The following LINGO2 variants were observed in gnomAD, a reference collection of about 807,000 sequenced individuals.
LINGO2 encodes leucine-rich repeat and immunoglobulin-like domain-containing nogo receptor-interacting protein 2.
In LINGO2, 14 loss-of-function variants were observed where a neutral mutation model predicts 30.6. The observed-to-expected ratio is 0.46, with a 90% confidence interval of 0.30 to 0.72. The LOEUF is 0.72. LINGO2 is among the 30% of genes least tolerant of loss of function. The probability of loss-of-function intolerance (pLI) is 0.07; values close to 1 mark genes in which losing one functional copy is unlikely to be tolerated. For synonymous variants in LINGO2, 317 were observed against 288.5 expected (o/e 1.10, Z -1.00); for missense variants, 729 against 751.7 (o/e 0.97, Z 0.35).
intron 5 of LINGO2, among the ~76,000 whole-genome samples, chr9:27,970,002 A>G (rs931166127): frequency 1.6e-4 from 25 of 152,220 alleles, no homozygotes; most frequent in African/African-American, 6.0e-4. Context: ...TACTAGTTTC[A>G]GCTTTATCAA....
At chr9:28,703,187 T>C in the LINGO2 span, among the ~76,000 whole-genome samples, 1 of 151,834 alleles carries the variant, frequency 6.6e-6, no homozygotes, top group East Asian at 1.9e-4. Context: ...TTCTTTTTTA[T>C]AACGTTCTAA....
At chr9:28,162,804 A>G (rs907276431) in intron 4 of LINGO2, among the ~76,000 whole-genome samples, 2 of 152,148 alleles carry the variant, frequency 1.3e-5, no homozygotes, top group Non-Finnish European at 2.9e-5. Flanking sequence ...CTTAACTTGG[A>G]CATGATTGTT....
intron 4 of LINGO2, among the ~76,000 whole-genome samples, chr9:28,164,741 C>T (rs1489663288): frequency 6.6e-6 from 1 of 152,154 alleles, no homozygotes; most frequent in Non-Finnish European, 1.5e-5. Flanking sequence ...ATGTGGCTAG[C>T]ACTATGTCAT....
chr9:28,017,447 G>T (rs1236155274), intron 4 of LINGO2, among the ~76,000 whole-genome samples: 1 of 152,116 alleles, frequency 6.6e-6, no homozygotes, highest in Non-Finnish European at 1.5e-5. Flanking sequence ...ATCCCATAGT[G>T]TCTGCCCAAA....
chr9:28,302,618 C>T (rs2134214307), intron 3 of LINGO2, among the ~76,000 whole-genome samples: 1 of 152,212 alleles, frequency 6.6e-6, no homozygotes, highest in South Asian at 2.1e-4. Context: ...CTGTAGTTAG[C>T]CCTGATCACA....
chr9:28,679,691 G>C, the LINGO2 span, among the ~76,000 whole-genome samples: 1 of 151,994 alleles, frequency 6.6e-6, no homozygotes, highest in Admixed American at 6.6e-5. Flanking sequence ...ATATTTAAAT[G>C]TAGATATGGA....
chr9:28,070,281 C>T (rs368499595), intron 4 of LINGO2, among the ~76,000 whole-genome samples: 9 of 151,942 alleles, frequency 5.9e-5, no homozygotes, highest in Non-Finnish European at 1.2e-4. Flanking sequence ...TTTTTTCCTG[C>T]GGTTGGTTGG....
At chr9:28,401,897 C>G (rs1564176621) in intron 2 of LINGO2, among the ~76,000 whole-genome samples, 1 of 152,076 alleles carries the variant, frequency 6.6e-6, no homozygotes, top group East Asian at 1.9e-4. Context: ...TGATGTTGAG[C>G]TTTTTTTCAT....
At chr9:28,169,523 T>C (rs974651741) in intron 4 of LINGO2, among the ~76,000 whole-genome samples, 1 of 152,198 alleles carries the variant, frequency 6.6e-6, no homozygotes, top group African/African-American at 2.4e-5. Context: ...AAATATTCAC[T>C]AACGTATCCA....
chr9:28,603,973 G>A, intron 1 of LINGO2, among the ~76,000 whole-genome samples: 1 of 152,004 alleles, frequency 6.6e-6, no homozygotes, highest in East Asian at 1.9e-4. Flanking sequence ...CTACTTCAGT[G>A]TTTTACTCTT....
chr9:28,344,979 C>T (rs958251044), intron 3 of LINGO2, among the ~76,000 whole-genome samples: 2 of 151,962 alleles, frequency 1.3e-5, no homozygotes, highest in Non-Finnish European at 2.9e-5. Flanking sequence ...CTGTTGGATA[C>T]TGTACAAAAT....
chr9:28,183,780 T>G (rs1329588698), intron 4 of LINGO2, among the ~76,000 whole-genome samples: 1 of 152,198 alleles, frequency 6.6e-6, no homozygotes, highest in Non-Finnish European at 1.5e-5. Context: ...AGGCATGAGC[T>G]TGTGTAAACA....
the LINGO2 span, among the ~76,000 whole-genome samples, chr9:28,989,802 A>T: frequency 1.3e-5 from 2 of 152,214 alleles, no homozygotes; most frequent in Non-Finnish European, 2.9e-5. Context: ...TAGAAAGTGG[A>T]ACATAAACAT....
chr9:28,506,654 A>G (rs1381818103), intron 1 of LINGO2, among the ~76,000 whole-genome samples: 1 of 151,046 alleles, frequency 6.6e-6, no homozygotes, highest in Admixed American at 6.7e-5. Flanking sequence ...ATAAATATAT[A>G]TACCTGCATG....
intron 4 of LINGO2, among the ~76,000 whole-genome samples, chr9:28,162,442 C>T (rs924865025): frequency 6.6e-6 from 1 of 152,052 alleles, no homozygotes; most frequent in African/African-American, 2.4e-5. Context: ...CAGATTTGCA[C>T]TAGATCAGTC....
At chr9:29,184,043 C>T in the LINGO2 span, among the ~76,000 whole-genome samples, 3 of 152,050 alleles carry the variant, frequency 2.0e-5, no homozygotes, top group East Asian at 1.9e-4. Flanking sequence ...TGAAGGAACA[C>T]GCTCTTATCT....
the LINGO2 span, among the ~76,000 whole-genome samples, chr9:28,884,666 C>CCATA: frequency 1.2e-5 from 1 of 84,412 alleles, no homozygotes; most frequent in Admixed American, 1.5e-4. Flanking sequence ...AATGTATTTT[C>CCATA]CATATATATA....
chr9:28,827,654 G>A, the LINGO2 span, among the ~76,000 whole-genome samples: 2 of 152,036 alleles, frequency 1.3e-5, no homozygotes, highest in Non-Finnish European at 2.9e-5. Context: ...GTGATAATAC[G>A]TTGGGAAGCA....
intron 4 of LINGO2, among the ~76,000 whole-genome samples, chr9:28,194,621 C>A (rs1819945096): frequency 7.3e-6 from 1 of 137,570 alleles, no homozygotes; most frequent in East Asian, 2.1e-4. Context: ...TTTCAAAATG[C>A]ATAAAAAAGA....
Sources: allele counts gnomAD v4.1 joint callset (sites outside exome capture counted in the v4.1 genomes callset), GRCh38; gene constraint gnomAD v4.1.1; transcripts MANE v1.5; gene names NCBI Gene and HGNC (gene_info 2026-07-23, HGNC 2026-07-21).